PGCKA1: variants seen among roughly 807,000 people sequenced by gnomAD.
PGCKA1 encodes PDCD10 and GCKIII kinases associated 1.
At chr4:37,486,317 T>A in the PGCKA1 span, among the ~76,000 whole-genome samples, 1 of 152,190 alleles carries the variant, frequency 6.6e-6, no homozygotes, top group African/African-American at 2.4e-5. Context: ...GGCAGCCTGG[T>A]AATTACATTG....
chr4:37,484,534 A>T, the PGCKA1 span, among the ~76,000 whole-genome samples: 1 of 152,154 alleles, frequency 6.6e-6, no homozygotes, highest in East Asian at 1.9e-4. Context: ...TGTGGGGAGC[A>T]TATCATGATA....
the PGCKA1 span, among the ~76,000 whole-genome samples, chr4:37,560,494 G>T: frequency 6.6e-6 from 1 of 152,182 alleles, no homozygotes; most frequent in Non-Finnish European, 1.5e-5. Context: ...ACATGCATTG[G>T]CATCACTCAG....
the PGCKA1 span, among the ~76,000 whole-genome samples, chr4:37,567,865 G>A: frequency 2.6e-5 from 4 of 151,986 alleles, no homozygotes; most frequent in Admixed American, 1.3e-4. Context: ...TAGATGGGGG[G>A]AAAAAATAGT....
At chr4:37,548,163 C>T in the PGCKA1 span, among the ~76,000 whole-genome samples, 3 of 149,154 alleles carry the variant, frequency 2.0e-5, no homozygotes, top group Admixed American at 6.8e-5. Flanking sequence ...CTGTGAAAGT[C>T]GTGAAAGAAA....
chr4:37,512,955 G>A, the PGCKA1 span, among the ~76,000 whole-genome samples: 7 of 152,072 alleles, frequency 4.6e-5, no homozygotes, highest in African/African-American at 1.7e-4. Context: ...GGGCGTAGTG[G>A]CACACGCCTG....
At chr4:37,509,218 C>G in the PGCKA1 span, among the ~76,000 whole-genome samples, 1 of 142,754 alleles carries the variant, frequency 7.0e-6, no homozygotes, top group Non-Finnish European at 1.5e-5. Flanking sequence ...GGGTGGCGGC[C>G]AGGCAGAGGG....
the PGCKA1 span, among the ~76,000 whole-genome samples, chr4:37,511,822 T>G: frequency 6.6e-6 from 1 of 152,176 alleles, no homozygotes; most frequent in Non-Finnish European, 1.5e-5. Flanking sequence ...TTGCAGTCGT[T>G]CTGGCCTACT....
chr4:37,558,100 C>T, the PGCKA1 span: 7 of 152,150 alleles, frequency 4.6e-5, no homozygotes, highest in African/African-American at 1.4e-4. Context: ...TCTTTCCATG[C>T]TTTGGTGAGA....
the PGCKA1 span, among the ~76,000 whole-genome samples, chr4:37,553,683 G>A: frequency 1.4e-4 from 21 of 152,242 alleles, no homozygotes; most frequent in South Asian, 1.5e-3. Context: ...ATGAATACAC[G>A]TACATCTTAG....
At chr4:37,519,618 C>A in the PGCKA1 span, among the ~76,000 whole-genome samples, 1 of 152,112 alleles carries the variant, frequency 6.6e-6, no homozygotes, top group Non-Finnish European at 1.5e-5. Context: ...GATTTTGTAT[C>A]CTGCTGCAAC....
At chr4:37,460,738 C>T in the PGCKA1 span, 3 of 338,232 alleles carry the variant, frequency 8.9e-6, no homozygotes, top group Non-Finnish European at 1.7e-5. Flanking sequence ...GAAATTAGAC[C>T]TTTGTCAGGT....
chr4:37,580,466 C>A, the PGCKA1 span, among the ~76,000 whole-genome samples: 1 of 152,124 alleles, frequency 6.6e-6, no homozygotes, highest in Non-Finnish European at 1.5e-5. Context: ...GTGTTGTGAT[C>A]TGAGCCATAT....
chr4:37,567,437 C>T, the PGCKA1 span, among the ~76,000 whole-genome samples: 1 of 152,164 alleles, frequency 6.6e-6, no homozygotes, highest in Non-Finnish European at 1.5e-5. Flanking sequence ...TAAACTGTAA[C>T]TATCATCATT....
At chr4:37,490,859 G>A in the PGCKA1 span, among the ~76,000 whole-genome samples, 6 of 152,056 alleles carry the variant, frequency 3.9e-5, no homozygotes, top group Non-Finnish European at 8.8e-5. Flanking sequence ...CATGTACAAA[G>A]AAATACAATA....
At chr4:37,537,032 G>A in the PGCKA1 span, among the ~76,000 whole-genome samples, 140 of 152,280 alleles carry the variant, frequency 9.2e-4, no homozygotes, top group African/African-American at 3.0e-3. Context: ...AGACAGGCCC[G>A]GAAGCTGAAG....
At chr4:37,488,075 T>C in the PGCKA1 span, among the ~76,000 whole-genome samples, 1 of 152,192 alleles carries the variant, frequency 6.6e-6, no homozygotes, top group East Asian at 1.9e-4. Context: ...TGCTAGGTCA[T>C]AGAGTTGTTC....
At chr4:37,510,275 T>A in the PGCKA1 span, among the ~76,000 whole-genome samples, 2 of 152,108 alleles carry the variant, frequency 1.3e-5, no homozygotes, top group Admixed American at 6.5e-5. Context: ...TTATGGAAGT[T>A]CATTGGTGTC....
At chr4:37,539,144 T>C in the PGCKA1 span, among the ~76,000 whole-genome samples, 2 of 152,188 alleles carry the variant, frequency 1.3e-5, no homozygotes, top group Admixed American at 6.5e-5. Context: ...CAGCCGACCC[T>C]GTGAAAAACA....
chr4:37,518,292 TG>T, the PGCKA1 span, among the ~76,000 whole-genome samples: 2 of 152,216 alleles, frequency 1.3e-5, no homozygotes, highest in Admixed American at 1.3e-4. Context: ...TACCCAGCAG[TG>T]GGATTGCTAG....
Sources: allele counts gnomAD v4.1 joint callset (sites outside exome capture counted in the v4.1 genomes callset), GRCh38; gene constraint gnomAD v4.1.1; transcripts MANE v1.5; gene names NCBI Gene and HGNC (gene_info 2026-07-23, HGNC 2026-07-21).